ARHGEF12: variants seen among roughly 807,000 people sequenced by gnomAD.
ARHGEF12 encodes the protein KMT2A/ARHGEF12 fusion protein.
Under a neutral mutation model 211.2 loss-of-function variants are expected in ARHGEF12, and 66 were observed. That is an observed-to-expected ratio of 0.31 (90% CI 0.26 to 0.38). The LOEUF is 0.38. Ranked by LOEUF, ARHGEF12 falls within the 10% of genes least tolerant of loss-of-function variation. ARHGEF12 has a pLI of 1.00. For synonymous variants in ARHGEF12, 592 were observed against 638.4 expected, an observed-to-expected ratio of 0.93 and a Z score of 1.09; for missense variants, 1,429 against 1,869.5, an observed-to-expected ratio of 0.76 and a Z score of 4.34.
At chr11:120,337,933 C>G in intron 1 of ARHGEF12, 1 of 980,624 alleles carries the variant, frequency 1.0e-6, no homozygotes, top group Non-Finnish European at 1.2e-6. Context: ...AAACACTTGG[C>G]GTTTAAGAGA....
At position 120,466,187 on chromosome 11, in the gene ARHGEF12, G is replaced by A. The variant is rs979441048; in HGVS notation, c.2739+825G>A. ...AGTTTGACCAGGCTGAGATCACAGC[G>A]TCAGCGGGAGCTGCAGTTTTCATCT... On this transcript the variant is annotated intron_variant, in intron 28 of 40. Coordinates refer to ENST00000397843, the MANE Select transcript of ARHGEF12 (RefSeq NM_015313.3). 2.0e-4 allele frequency among the ~76,000 whole-genome samples: 30 copies of A among 152,372 alleles called. 1 individual carries two copies. The highest frequency in any genetic ancestry group is 1.3e-3 in the Admixed American group (20 of 15,310).
intron 1 of ARHGEF12, among the ~76,000 whole-genome samples, chr11:120,358,375 T>C (rs1023591076): frequency 3.3e-5 from 5 of 152,264 alleles, no homozygotes; most frequent in African/African-American, 1.2e-4. Context: ...TAGGGGTTGG[T>C]AATACTTAGC....
Position 120,489,257 on chromosome 11 carries a change from T to G in ARHGEF12, c.*4180T>G, listed in dbSNP as rs1329103017. ...CAGGTTTGTTGTTTTTTTAATAGCT[T>G]TATTGAGATATTCACATATCATATA... is the stretch of plus-strand genomic sequence containing the variant. On this transcript the variant is annotated 3_prime_UTR_variant, in exon 41 of 41. Transcript: ENST00000397843. 8.8e-6 allele frequency: 2 copies of G among 227,398 alleles called. No homozygotes were observed. Among genetic ancestry groups the G allele is most frequent in the Non-Finnish European group, 1.7e-5 (2 of 114,402 alleles). The allele number at this position is 227,398 out of a possible 1,614,324, so 14.1% of individuals were successfully genotyped here.
At chr11:120,351,946 G>A (rs1242956570) in intron 1 of ARHGEF12, among the ~76,000 whole-genome samples, 1 of 152,114 alleles carries the variant, frequency 6.6e-6, no homozygotes, top group Non-Finnish European at 1.5e-5. Context: ...TTTCTAAACA[G>A]AAGACTTGGG....
Position 120,446,990 on chromosome 11 carries a change from G to A in ARHGEF12, c.1494G>A (p.Leu498=). The stretch of plus-strand genomic sequence containing the variant: ...GACTGACCTTGGCTGAAAGCGAGCT[G>A]ACTAAACTTGATGCAGAGCGAGACA... ...SMGLTLAESE[L]TKLDAERDKD... Residue 498 remains leucine (L), a synonymous_variant, in exon 18 of 41, where the codon CTG becomes CTA. Coordinates refer to ENST00000397843, the MANE Select transcript of ARHGEF12 (RefSeq NM_015313.3). 4.3e-6 allele frequency: 7 copies of A among 1,614,186 alleles called. No homozygotes were observed. Among genetic ancestry groups the A allele is most frequent in the Non-Finnish European group, 5.9e-6 (7 of 1,180,026 alleles).
chr11:120,441,435 T>C (rs536250940), intron 13 of ARHGEF12, among the ~76,000 whole-genome samples: 84 of 152,266 alleles, frequency 5.5e-4, no homozygotes, highest in Non-Finnish European at 9.0e-4. Flanking sequence ...ACATACTGAT[T>C]TGTATACATC....
intron 30 of ARHGEF12, among the ~76,000 whole-genome samples, chr11:120,471,401 A>T (rs889327974): frequency 5.9e-5 from 9 of 152,144 alleles, no homozygotes; most frequent in Admixed American, 1.3e-4. Context: ...TCTAAGAGAG[A>T]CCAAACTATT....
At chr11:120,424,290 C>G (rs1945279092) in intron 6 of ARHGEF12, 68 bp from the exon 7 acceptor site, 5 of 1,089,966 alleles carry the variant, frequency 4.6e-6, no homozygotes, top group Non-Finnish European at 7.0e-6. Flanking sequence ...TATGATAATT[C>G]TTGAAGTCAT....
intron 22 of ARHGEF12, among the ~76,000 whole-genome samples, chr11:120,456,762 G>C (rs890843435): frequency 1.3e-5 from 2 of 152,180 alleles, no homozygotes; most frequent in African/African-American, 2.4e-5. Flanking sequence ...GGGTGGCCAA[G>C]GCGAAAGGAT....
chr11:120,481,210 T>C (rs1381793096), intron 38 of ARHGEF12, 50 bp from the exon 39 acceptor site: 14 of 1,546,014 alleles, frequency 9.1e-6, no homozygotes, highest in Non-Finnish European at 1.2e-5. Context: ...CTATTTCTGT[T>C]TTCTAATGGC....
chr11:120,477,317 TTTGCA>T lies in ARHGEF12; in HGVS notation c.3452+16_3452+20del, dbSNP rs1341676153. 2.5e-6 allele frequency: 4 copies of T among 1,613,336 alleles called. No individual in the cohort carries two copies. ...TCAACACCTGGCGAGTGAGTGTTCCTTTGCATTGTAGTAGGACTTATTTTATGTTT... is the reference window on the plus strand; with the variant it reads ...TCAACACCTGGCGAGTGAGTGTTCCTTTGTAGTAGGACTTATTTTATGTTT... On this transcript the variant is annotated intron_variant, in intron 35 of 40. Transcript: ENST00000397843.
intron 6 of ARHGEF12, among the ~76,000 whole-genome samples, 166 bp from the exon 7 acceptor site, chr11:120,424,192 T>C (rs1349124242): frequency 6.6e-6 from 1 of 152,204 alleles, no homozygotes; most frequent in Non-Finnish European, 1.5e-5. Flanking sequence ...ATATGCCCTG[T>C]AGAATCATGG....
rs1947435857 is a variant in ARHGEF12, at chr11:120,487,844, C to T, written c.*2767C>T. On this transcript the variant is annotated 3_prime_UTR_variant, in exon 41 of 41. Transcript: ENST00000397843. Reference sequence around the variant, plus strand: ...GTTAATCAAGGCAAATCAGCAAGCCCCCAAAGTGCTGTAATTTAACATCAT... The same window carrying T: ...GTTAATCAAGGCAAATCAGCAAGCCTCCAAAGTGCTGTAATTTAACATCAT... 4.5e-6 allele frequency: 1 copy of T among 219,788 alleles called. No individual in the cohort carries two copies. Among genetic ancestry groups the T allele is most frequent in the African/African-American group, 2.2e-5 (1 of 44,496 alleles). 13.6% of individuals were successfully genotyped at this position (219,788 alleles called of 1,614,324 possible). A position where few individuals can be genotyped will look rare whatever the true frequency, so the allele number is the denominator to read the frequency against.
chr11:120,468,333 T>C (rs1195437130), intron 29 of ARHGEF12, among the ~76,000 whole-genome samples: 1 of 152,270 alleles, frequency 6.6e-6, no homozygotes, highest in East Asian at 1.9e-4. Context: ...TTAATATATC[T>C]GCTCAGTGTA....
chr11:120,460,256 TG>T (rs1221066603), intron 26 of ARHGEF12, among the ~76,000 whole-genome samples: 27 of 152,346 alleles, frequency 1.8e-4, no homozygotes, highest in Non-Finnish European at 3.4e-4. Context: ...TGGATAATCT[TG>T]GGTTTCACAG....
intron 21 of ARHGEF12, chr11:120,451,118 G>C (rs560292373): frequency 1.0e-4 from 17 of 165,810 alleles, no homozygotes; most frequent in Non-Finnish European, 1.7e-4. Flanking sequence ...CATTTTACCA[G>C]ATTCTTTTAC....
At chr11:120,433,265 G>C (rs764978426) in intron 11 of ARHGEF12, among the ~76,000 whole-genome samples, 2 of 152,234 alleles carry the variant, frequency 1.3e-5, no homozygotes, top group East Asian at 3.9e-4. Flanking sequence ...TTGAAAATGC[G>C]TAACATTTTG....
intron 18 of ARHGEF12, among the ~76,000 whole-genome samples, 156 bp from the exon 19 acceptor site, chr11:120,447,718 A>G (rs535832953): frequency 2.3e-4 from 35 of 152,322 alleles, no homozygotes; most frequent in African/African-American, 8.2e-4. Context: ...CAGAAGGCTG[A>G]GGCACGAGAA....
chr11:120,486,716 AT>A lies in ARHGEF12; in HGVS notation c.*1645del, dbSNP rs3832734. On this transcript the variant is annotated 3_prime_UTR_variant, in exon 41 of 41. Transcript: ENST00000397843. ...AATGCTTCCCTGCAGTCCAAAGATG[AT>A]TTTTTCACCACAAATGGTAAGGGAT... The A allele has an allele frequency of 0.19, 41,413 of 219,730 alleles. 4,197 individuals are homozygous for A. The highest frequency in any genetic ancestry group is 0.25 in the African/African-American group (10,999 of 44,560). The allele number at this position is 219,730 out of a possible 1,614,324, so 13.6% of individuals were successfully genotyped here. A position where few individuals can be genotyped will look rare whatever the true frequency, so the allele number is the denominator to read the frequency against.
Sources: allele counts gnomAD v4.1 joint callset (sites outside exome capture counted in the v4.1 genomes callset), GRCh38; gene constraint gnomAD v4.1.1; transcripts MANE v1.5; gene names NCBI Gene and HGNC (gene_info 2026-07-23, HGNC 2026-07-21).